Variants in SLK observed in about 807,000 individuals in gnomAD.
SLK encodes STE20-like serine/threonine-protein kinase.
Under a neutral mutation model 147.7 loss-of-function variants are expected in SLK, and 67 were observed. That is an observed-to-expected ratio of 0.45 (90% CI 0.37 to 0.56). The LOEUF is 0.56. SLK is among the 20% of genes least tolerant of loss of function. The probability of loss-of-function intolerance (pLI) is 0.00; values close to 1 mark genes in which losing one functional copy is unlikely to be tolerated. For synonymous variants in SLK, 441 were observed against 475.0 expected (o/e 0.93, Z 0.93); for missense variants, 1,136 against 1,438.8 (o/e 0.79, Z 3.41).
chr10:103,975,706 T>G lies in SLK; in HGVS notation c.150+7811T>G, dbSNP rs146475462. 3.5e-3 allele frequency among the ~76,000 whole-genome samples: 534 copies of G among 152,320 alleles called. 1 individual carries two copies. Among genetic ancestry groups the G allele is most frequent in the Non-Finnish European group, 5.0e-3 (342 of 68,034 alleles). On this transcript the variant is annotated intron_variant, in intron 1 of 18. Coordinates refer to ENST00000369755, the MANE Select transcript of SLK (RefSeq NM_014720.4). ...TAGTAATTTGATCTTTTTCTTTGCT[T>G]TATGGTATTTTATGAAATATTATAG...
chr10:103,976,787 A>G (rs1457305711), intron 1 of SLK, among the ~76,000 whole-genome samples: 1 of 152,154 alleles, frequency 6.6e-6, no homozygotes, highest in Non-Finnish European at 1.5e-5. Context: ...GATAGCCCTT[A>G]CTTGCTTTCG....
chr10:103,979,351 A>G (rs1386992186), intron 1 of SLK, among the ~76,000 whole-genome samples: 3 of 152,122 alleles, frequency 2.0e-5, no homozygotes, highest in Non-Finnish European at 4.4e-5. Flanking sequence ...AGCATGTTTT[A>G]TTTCCAGTTG....
chr10:104,003,809 A>G (rs1844288064), intron 9 of SLK, among the ~76,000 whole-genome samples: 1 of 152,164 alleles, frequency 6.6e-6, no homozygotes, highest in Non-Finnish European at 1.5e-5. Context: ...ACATATCTAG[A>G]TGCAACATTA....
At chr10:103,987,992 C>T (rs1383903874) in intron 1 of SLK, among the ~76,000 whole-genome samples, 1 of 152,112 alleles carries the variant, frequency 6.6e-6, no homozygotes, top group Non-Finnish European at 1.5e-5. Flanking sequence ...TTTTATGTGA[C>T]ATGGGAGCCC....
intron 1 of SLK, among the ~76,000 whole-genome samples, chr10:103,981,658 T>A (rs903774217): frequency 6.8e-6 from 1 of 146,206 alleles, no homozygotes; most frequent in African/African-American, 2.6e-5. Context: ...TTAGACCATA[T>A]ATATGCCAGT....
intron 7 of SLK, among the ~76,000 whole-genome samples, chr10:104,000,423 A>G (rs549589930): frequency 1.8e-4 from 27 of 152,310 alleles, no homozygotes; most frequent in Non-Finnish European, 1.6e-4. Flanking sequence ...TCTTGAGGCA[A>G]TTACTGTTAG....
At position 103,967,653 on chromosome 10, in the gene SLK, C is replaced by T. The variant is rs1464590568; in HGVS notation, c.-93C>T. On this transcript the variant is annotated 5_prime_UTR_variant, in exon 1 of 19. Coordinates refer to ENST00000369755, the MANE Select transcript of SLK (RefSeq NM_014720.4). ...CGAGGGACGCCGCGCCCGCCGCCGC[C>T]AGCCGGGCTCGCGCGGGAGAGCAGG... is the stretch of plus-strand genomic sequence containing the variant. 7.5e-6 allele frequency: 9 copies of T among 1,194,098 alleles called. No individual in the cohort carries two copies. The Admixed American group carries it at 2.3e-4, about 30-fold the overall frequency. 74.0% of individuals were successfully genotyped at this position (1,194,098 alleles called of 1,614,324 possible).
In SLK at chr10:103,998,941, GAA is replaced by G; in HGVS notation, c.558_559del (p.Asp188PhefsTer12). ...GCTAAAAACACGAGGACAATTCAAA[GAA>G]GAGATTCCTTTATTGGTACACCATA... On this transcript the variant is annotated frameshift_variant, in exon 5 of 19. Transcript: ENST00000369755. LOFTEE classifies it high-confidence loss of function. 1 of 1,611,780 alleles carries G rather than the reference GAA, an allele frequency of 6.2e-7. No individual in the cohort carries two copies. The highest frequency in any genetic ancestry group is 8.5e-7 in the Non-Finnish European group (1 of 1,178,088).
chr10:103,967,952 AGTGGC>A (rs1843739660), intron 1 of SLK, 57 bp downstream of exon 1: 1 of 1,579,626 alleles, frequency 6.3e-7, no homozygotes, highest in Non-Finnish European at 8.7e-7. Flanking sequence ...ACTGGCCTGG[AGTGGC>A]GGGAGGACTT....
At chr10:103,979,125 C>G (rs894373953) in intron 1 of SLK, among the ~76,000 whole-genome samples, 1 of 152,214 alleles carries the variant, frequency 6.6e-6, no homozygotes, top group Non-Finnish European at 1.5e-5. Context: ...AAGTGATTCT[C>G]ATGCCTCAGC....
intron 1 of SLK, among the ~76,000 whole-genome samples, chr10:103,976,143 T>A (rs1843867359): frequency 6.6e-6 from 1 of 152,128 alleles, no homozygotes. Flanking sequence ...GCTCAAGTGA[T>A]CTGCCCACCT....
chr10:104,020,482 T>C lies in SLK; in HGVS notation c.3322-6T>C. On this transcript the variant is annotated splice_region_variant and splice_polypyrimidine_tract_variant and intron_variant, in intron 16 of 18. Coordinates refer to ENST00000369755, the MANE Select transcript of SLK (RefSeq NM_014720.4). The stretch of plus-strand genomic sequence containing the variant: ...ACTATAGTTTATCTTTTTTTCTTAT[T>C]TATAGTTTGCTGCACAAGAAGAAAA... 6.2e-7 allele frequency: 1 copy of C among 1,609,420 alleles called. No individual in the cohort carries two copies. The highest frequency in any genetic ancestry group is 8.5e-7 in the Non-Finnish European group (1 of 1,177,952).
intron 1 of SLK, among the ~76,000 whole-genome samples, chr10:103,984,226 T>A (rs935683310): frequency 6.6e-6 from 1 of 152,188 alleles, no homozygotes; most frequent in African/African-American, 2.4e-5. Context: ...TGAAATAATT[T>A]GAGATTTTTC....
Position 104,002,915 on chromosome 10 carries a change from A to G in SLK, c.1737A>G (p.Glu579=). 4 of 1,614,200 alleles carry G rather than the reference A, an allele frequency of 2.5e-6. No homozygotes were observed. The South Asian group carries it at 4.4e-5, about 18-fold the overall frequency. Residue 579 remains glutamate (E), a synonymous_variant, in exon 9 of 19, where the codon GAA becomes GAG. Transcript: ENST00000369755. ...TQSNDGKEVV[E]VGQKLINKPM... ...GTAATGATGGGAAAGAAGTGGTCGA[A>G]GTAGGCCAGAAATTAATTAATAAGC...
At chr10:103,969,357 A>G (rs1045485925) in intron 1 of SLK, among the ~76,000 whole-genome samples, 5 of 152,174 alleles carry the variant, frequency 3.3e-5, no homozygotes, top group Non-Finnish European at 7.3e-5. Flanking sequence ...TTCTTTATCC[A>G]GGCTAAAATA....
chr10:104,002,314 A>G lies in SLK; in HGVS notation c.1136A>G (p.Lys379Arg). Residue 379 changes from lysine to arginine, a missense_variant, in exon 9 of 19, where the codon AAA (lysine) becomes AGA (arginine). Lys to Arg is a conservative substitution (Grantham distance 26). This residue lies in a region of SLK where 516 missense variants were observed against 531.3 expected (regional missense o/e 0.97). Coordinates refer to ENST00000369755, the MANE Select transcript of SLK (RefSeq NM_014720.4). ...RSNSEDKLNS[K>R]ILNEKPTTDE... ...AACTCTGAAGATAAACTCAACAGCAAAATTCTTAATGAAAAACCCACCACT... is the reference window on the plus strand; with the variant it reads ...AACTCTGAAGATAAACTCAACAGCAGAATTCTTAATGAAAAACCCACCACT... 2 of 1,613,782 alleles carry G rather than the reference A, an allele frequency of 1.2e-6. No individual in the cohort carries two copies. The highest frequency in any genetic ancestry group is 1.7e-6 in the Non-Finnish European group (2 of 1,179,752).
intron 14 of SLK, 91 bp downstream of exon 14, chr10:104,018,380 T>C (rs1267898245): frequency 1.6e-6 from 2 of 1,223,468 alleles, no homozygotes; most frequent in African/African-American, 3.2e-5. Flanking sequence ...TAAAATTTCT[T>C]CTTGCCCTGA....
Position 104,005,645 on chromosome 10 carries a change from A to G in SLK, c.2434A>G (p.Ile812Val). 1.2e-6 allele frequency: 2 copies of G among 1,608,500 alleles called. No individual in the cohort carries two copies. The highest frequency in any genetic ancestry group is 1.3e-5 in the African/African-American group (1 of 74,866). The change falls in exon 10 of 19, where the codon ATA (isoleucine) becomes GTA (valine). Residue 812 changes from isoleucine to valine, a missense_variant. By Grantham distance (29) the Ile-to-Val change is conservative. This residue lies in a region of SLK where 21 missense variants were observed against 69.9 expected (regional missense o/e 0.30). Transcript: ENST00000369755. Reference protein sequence around the residue: ...GVEVSVTTSKIVTDSDSKTEE... With the variant: ...GVEVSVTTSKVVTDSDSKTEE... The stretch of plus-strand genomic sequence containing the variant: ...AGAAGTGAGTGTAACAACATCAAAG[A>G]TAGTTACAGATAGTGATTCCAAAAC...
intron 1 of SLK, among the ~76,000 whole-genome samples, chr10:103,984,716 C>T (rs996418953): frequency 2.0e-5 from 3 of 152,106 alleles, no homozygotes; most frequent in African/African-American, 4.8e-5. Context: ...GCTCAGCCTT[C>T]TCATCTTTCT....
Sources: gnomAD v4.1 joint callset for allele counts (sites outside exome capture counted in the v4.1 genomes callset) on GRCh38, gnomAD v4.1.1 for gene constraint, gnomAD v4.1.1 regional missense constraint, MANE v1.5 for transcripts, NCBI Gene and HGNC (gene_info 2026-07-23, HGNC 2026-07-21) for gene names.